STK31: variants seen among roughly 807,000 people sequenced by gnomAD.
STK31 encodes serine/threonine kinase 31.
STK31 carries 89 observed loss-of-function variants against 129.7 expected under a neutral mutation model. That is an observed-to-expected ratio of 0.69 (90% confidence interval 0.58 to 0.82). The LOEUF is 0.82. STK31 is among the 40% of genes least tolerant of loss of function. The pLI, the probability that STK31 is intolerant of heterozygous loss-of-function variation, is 0.00. For synonymous variants in STK31, 448 were observed against 395.3 expected, an observed-to-expected ratio of 1.13 and a Z score of -1.58; for missense variants, 1,187 against 1,176.4, an observed-to-expected ratio of 1.01 and a Z score of -0.13.
chr7:23,764,735 G>A (rs1396558419), intron 11 of STK31, among the ~76,000 whole-genome samples: 1 of 151,870 alleles, frequency 6.6e-6, no homozygotes, highest in African/African-American at 2.4e-5. Context: ...TGTCCCTATT[G>A]TTCTTTTGGT....
intron 22 of STK31, 55 bp downstream of exon 22, chr7:23,791,001 A>T: frequency 7.8e-7 from 1 of 1,286,204 alleles, no homozygotes; most frequent in Admixed American, 3.3e-5. Context: ...CAGTATATAA[A>T]GTGATGATTT....
In STK31 at chr7:23,710,265, G is replaced by T. The variant is rs1385952094; in HGVS notation, c.-21G>T. The T allele has an allele frequency of 6.2e-7, 1 of 1,610,836 alleles. No homozygotes were observed. The highest frequency in any genetic ancestry group is 8.5e-7 in the Non-Finnish European group (1 of 1,179,492). On this transcript the variant is annotated 5_prime_UTR_variant, in exon 1 of 24. Coordinates refer to ENST00000355870, the MANE Select transcript of STK31 (RefSeq NM_031414.5). ...AGCCGCTGCACGTGTGCTACGGCGG[G>T]CGGAGGGCCGAAAGTCCAGTATGTG...
At chr7:23,782,471 C>CAAAAAAAAAAA (rs66962254) in intron 16 of STK31, among the ~76,000 whole-genome samples, 9 of 84,508 alleles carry the variant, frequency 1.1e-4, no homozygotes, top group Non-Finnish European at 1.4e-4. Context: ...GACCCTGTCT[C>CAAAAAAAAAAA]AAAAAAAAAA....
chr7:23,791,894 T>G (rs184199709), intron 22 of STK31, among the ~76,000 whole-genome samples: 1 of 152,238 alleles, frequency 6.6e-6, no homozygotes, highest in African/African-American at 2.4e-5. Context: ...TGCTATAGCA[T>G]GAAAGCAGCC....
intron 11 of STK31, among the ~76,000 whole-genome samples, chr7:23,764,413 T>C (rs1264322139): frequency 6.6e-6 from 1 of 152,208 alleles, no homozygotes; most frequent in Non-Finnish European, 1.5e-5. Flanking sequence ...AACTTCTCTT[T>C]ATTTTGCTGA....
intron 9 of STK31, among the ~76,000 whole-genome samples, chr7:23,753,650 T>C (rs755393757): frequency 1.6e-4 from 24 of 152,188 alleles, no homozygotes; most frequent in Non-Finnish European, 3.1e-4. Flanking sequence ...CCTGTGGTGG[T>C]AGGGGGCGCT....
At chr7:23,736,793 A>G in intron 7 of STK31, 111 bp from the exon 8 acceptor site, 1 of 854,038 alleles carries the variant, frequency 1.2e-6, no homozygotes, top group Non-Finnish European at 1.6e-6. Context: ...TAGTTTTCAA[A>G]ATTAACTTTC....
chr7:23,746,534 C>G lies in STK31; in HGVS notation c.1018-6183C>G, dbSNP rs1036867755. Among the ~76,000 whole-genome samples the G allele has an allele frequency of 2.0e-5, 3 of 152,304 alleles. No homozygotes were observed. In the South Asian group the frequency reaches 6.2e-4, roughly 32 times the overall value. ...AGAGGGAGGCAAATAACAGTGGCCT[C>G]TAGTGAGTCATCTTGAAGCCCCTGT... On this transcript the variant is annotated intron_variant, in intron 8 of 23. Transcript: ENST00000355870.
chr7:23,756,279 A>G (rs763452355), intron 10 of STK31, among the ~76,000 whole-genome samples: 2 of 152,162 alleles, frequency 1.3e-5, no homozygotes, highest in Non-Finnish European at 2.9e-5. Context: ...GAGTTCATTC[A>G]TGATTTGGCT....
intron 21 of STK31, among the ~76,000 whole-genome samples, chr7:23,789,075 A>T (rs986416870): frequency 6.6e-6 from 1 of 152,170 alleles, no homozygotes; most frequent in Non-Finnish European, 1.5e-5. Context: ...CTTTTATGCT[A>T]ATTTCACTTA....
In STK31 at chr7:23,771,043, A is replaced by C. The variant is rs966955186; in HGVS notation, c.1752A>C (p.Thr584=). 1.2e-5 allele frequency: 20 copies of C among 1,612,636 alleles called. No individual in the cohort carries two copies. The highest frequency in any genetic ancestry group is 1.7e-5 in the Admixed American group (1 of 59,834). Residue 584 remains threonine (T), a synonymous_variant, in exon 14 of 24, where the codon ACA becomes ACC. Transcript: ENST00000355870. ...GDADKEIISN[T]YSQVLQKIHS... ...CAGACAAGGAGATAATTTCAAATAC[A>C]TATAGTCAAGTACTGCAAAAGATTC...
At chr7:23,772,410 C>A in intron 15 of STK31, 132 bp downstream of exon 15, 3 of 901,726 alleles carry the variant, frequency 3.3e-6, no homozygotes, top group Non-Finnish European at 3.2e-6. Context: ...GTTTTATATA[C>A]TTTATCTTGT....
intron 22 of STK31, among the ~76,000 whole-genome samples, chr7:23,808,337 C>T (rs1174289294): frequency 1.3e-5 from 2 of 151,718 alleles, no homozygotes; most frequent in African/African-American, 4.8e-5. Context: ...AAATTCAGCA[C>T]TTTATTGAGT....
At chr7:23,731,499 C>G (rs565719472) in intron 6 of STK31, among the ~76,000 whole-genome samples, 1 of 152,290 alleles carries the variant, frequency 6.6e-6, no homozygotes, top group South Asian at 2.1e-4. Context: ...CCTAATTTCC[C>G]TGCCAGGTAG....
At position 23,771,026 on chromosome 7, in the gene STK31, G is replaced by A. The variant is rs1174974521; in HGVS notation, c.1735G>A (p.Glu579Lys). The A allele has an allele frequency of 6.2e-7, 1 of 1,611,216 alleles. No homozygotes were observed. Among genetic ancestry groups the A allele is most frequent in the East Asian group, 2.2e-5 (1 of 44,738 alleles). ...TTAGGATCAAGGTGATGCAGACAAG[G>A]AGATAATTTCAAATACATATAGTCA... ...ALVDQGDADK[E>K]IISNTYSQVL... The change falls in exon 14 of 24, where the codon GAG (glutamate) becomes AAG (lysine). Residue 579 changes from glutamate (E) to lysine (K), a missense_variant. Physicochemically the swap from Glu to Lys is moderately conservative, Grantham distance 56. This residue lies in a region of STK31 where 975 missense variants were observed against 934.9 expected (regional missense o/e 1.04). Coordinates refer to ENST00000355870, the MANE Select transcript of STK31 (RefSeq NM_031414.5).
intron 8 of STK31, among the ~76,000 whole-genome samples, chr7:23,746,027 C>T (rs1788330705): frequency 6.6e-6 from 1 of 152,190 alleles, no homozygotes; most frequent in Non-Finnish European, 1.5e-5. Context: ...CAGCCAGCTG[C>T]AGTGGTGGCT....
rs529153773 is a variant in STK31 at position 23,750,074 on chromosome 7, C to T, written c.1018-2643C>T. ...ATTTCAGAATGGTTTGTTTCCCCCCCCGCCACTGCTGGAAACATGAGGGGA... is the reference window on the plus strand; with the variant it reads ...ATTTCAGAATGGTTTGTTTCCCCCCTCGCCACTGCTGGAAACATGAGGGGA... On this transcript the variant is annotated intron_variant, in intron 8 of 23. Coordinates refer to ENST00000355870, the MANE Select transcript of STK31 (RefSeq NM_031414.5). Among the ~76,000 whole-genome samples, 39 of 125,420 alleles carry T rather than the reference C, an allele frequency of 3.1e-4. 7 individuals carry two copies. The South Asian group carries it at 0.013, about 41-fold the overall frequency. 82.3% of individuals were successfully genotyped at this position (125,420 alleles called of 152,430 possible).
chr7:23,731,472 G>T (rs917847705), intron 6 of STK31, among the ~76,000 whole-genome samples: 11 of 152,156 alleles, frequency 7.2e-5, no homozygotes, highest in African/African-American at 2.7e-4. Flanking sequence ...GTAGAGATAA[G>T]TATTCACTTT....
rs70956911 is a variant in STK31 at position 23,717,097 on chromosome 7, C to CTTTTTTTTTTTTTT, written c.151-369_151-356dup. On this transcript the variant is annotated intron_variant, in intron 3 of 23. Transcript: ENST00000355870. ...TACAGGTGTGAGCCATCGCAACCTGCTTTTTTTTTTTTTTTTTTTTTTTTT... is the reference window on the plus strand; with the variant it reads ...TACAGGTGTGAGCCATCGCAACCTGCTTTTTTTTTTTTTTTTTTTTTTTTTTTTTTTTTTTTTTT... Among the ~76,000 whole-genome samples the CTTTTTTTTTTTTTT allele has an allele frequency of 9.7e-3, 415 of 42,920 alleles. 19 individuals are homozygous for CTTTTTTTTTTTTTT. The highest frequency in any genetic ancestry group is 0.012 in the Non-Finnish European group (279 of 23,784). 28.2% of individuals were successfully genotyped at this position (42,920 alleles called of 152,430 possible).
Sources: allele counts gnomAD v4.1 joint callset (sites outside exome capture counted in the v4.1 genomes callset), GRCh38; gene constraint gnomAD v4.1.1; regional missense constraint gnomAD v4.1.1; transcripts MANE v1.5; gene names NCBI Gene and HGNC (gene_info 2026-07-23, HGNC 2026-07-21).